Variants in CACNA2D1 observed in about 807,000 individuals in gnomAD.
CACNA2D1 encodes voltage-dependent calcium channel subunit alpha-2/delta-1.
Under a neutral mutation model 171.5 loss-of-function variants are expected in CACNA2D1, and 53 were observed. The ratio of observed to expected loss-of-function variants is 0.31; its 90% CI spans 0.25 to 0.39. The LOEUF (loss-of-function observed/expected upper bound fraction) is 0.39, where lower values mean the gene tolerates loss of function less well. Among genes scored for constraint, CACNA2D1 ranks in the 10% least tolerant of loss-of-function variants. The probability of loss-of-function intolerance (pLI) is 1.00; values close to 1 mark genes in which losing one functional copy is unlikely to be tolerated. For missense variants in CACNA2D1, 903 were observed against 1,299.8 expected (o/e 0.69, Z 4.69); for synonymous variants, 442 against 443.1 (o/e 1.00, Z 0.03).
At chr7:82,227,967 C>T (rs1047754986) in intron 3 of CACNA2D1, among the ~76,000 whole-genome samples, 8 of 152,140 alleles carry the variant, frequency 5.3e-5, no homozygotes, top group East Asian at 1.9e-4. Context: ...CATGTACCCC[C>T]GGCTGTACAT....
chr7:82,361,027 A>C (rs1040489093), intron 1 of CACNA2D1, among the ~76,000 whole-genome samples: 3 of 152,234 alleles, frequency 2.0e-5, no homozygotes, highest in African/African-American at 7.2e-5. Flanking sequence ...GCCTTCAAAT[A>C]TGAGATGGTA....
intron 7 of CACNA2D1, among the ~76,000 whole-genome samples, chr7:82,074,058 T>C (rs1159022741): frequency 3.9e-5 from 6 of 151,966 alleles, no homozygotes; most frequent in African/African-American, 1.2e-4. Context: ...GGGTAAACAA[T>C]GAAGTTTGAA....
chr7:82,096,747 G>C (rs1382563454), intron 6 of CACNA2D1, among the ~76,000 whole-genome samples: 1 of 150,950 alleles, frequency 6.6e-6, no homozygotes, highest in Non-Finnish European at 1.5e-5. Flanking sequence ...ACAGATTACA[G>C]TTTCAATTTT....
At chr7:82,104,035 T>C (rs1813017898) in intron 6 of CACNA2D1, among the ~76,000 whole-genome samples, 2 of 152,000 alleles carry the variant, frequency 1.3e-5, no homozygotes, top group South Asian at 4.1e-4. Context: ...ATAAACCATC[T>C]CAAAATCAGC....
At chr7:82,069,115 T>C (rs1413197027) in intron 7 of CACNA2D1, among the ~76,000 whole-genome samples, 1 of 152,200 alleles carries the variant, frequency 6.6e-6, no homozygotes, top group Non-Finnish European at 1.5e-5. Flanking sequence ...TCTTCTGTGA[T>C]ATTACTAATT....
At chr7:82,247,939 T>C (rs1805132020) in intron 3 of CACNA2D1, among the ~76,000 whole-genome samples, 1 of 152,190 alleles carries the variant, frequency 6.6e-6, no homozygotes, top group Non-Finnish European at 1.5e-5. Context: ...AAGTTATCCC[T>C]ATTTTAGGGA....
At chr7:81,983,231 T>C in intron 23 of CACNA2D1, 83 bp downstream of exon 23, 1 of 1,160,226 alleles carries the variant, frequency 8.6e-7, no homozygotes, top group Admixed American at 1.8e-5. Flanking sequence ...GCACAGAGGA[T>C]AATATCCAAT....
intron 3 of CACNA2D1, among the ~76,000 whole-genome samples, chr7:82,236,076 C>T (rs1803553854): frequency 6.6e-6 from 1 of 152,044 alleles, no homozygotes; most frequent in Non-Finnish European, 1.5e-5. Context: ...AATGAGTAGG[C>T]TAACATTTGG....
At chr7:82,373,199 T>C (rs1362772558) in intron 1 of CACNA2D1, among the ~76,000 whole-genome samples, 2 of 152,000 alleles carry the variant, frequency 1.3e-5, no homozygotes, top group Non-Finnish European at 2.9e-5. Flanking sequence ...AAAAATTGAG[T>C]ATTGAACACA....
At chr7:81,983,377 A>G (rs371330377) in intron 22 of CACNA2D1, 43 bp from the exon 23 acceptor site, 242 of 1,541,648 alleles carry the variant, frequency 1.6e-4, no homozygotes, top group Admixed American at 5.7e-4. Flanking sequence ...AAACAAAAAA[A>G]AAAGAGGGTA....
chr7:82,417,854 A>G (rs1828330777), intron 1 of CACNA2D1, among the ~76,000 whole-genome samples: 2 of 152,338 alleles, frequency 1.3e-5, no homozygotes, highest in East Asian at 1.9e-4. Flanking sequence ...TAGATTTTGC[A>G]TATAGTGAGA....
At chr7:82,402,705 C>CAAAAA (rs59290672) in intron 1 of CACNA2D1, among the ~76,000 whole-genome samples, 19 of 64,824 alleles carry the variant, frequency 2.9e-4, no homozygotes, top group Non-Finnish European at 4.4e-4. Flanking sequence ...GACTCTGTCT[C>CAAAAA]AAAAAAAAAA....
At chr7:82,220,358 T>C (rs1352842696) in intron 3 of CACNA2D1, among the ~76,000 whole-genome samples, 1 of 152,164 alleles carries the variant, frequency 6.6e-6, no homozygotes, top group Non-Finnish European at 1.5e-5. Flanking sequence ...TGGGTTTAGG[T>C]GGATCTTTAC....
At chr7:82,407,098 T>C (rs1827143127) in intron 1 of CACNA2D1, among the ~76,000 whole-genome samples, 2 of 152,196 alleles carry the variant, frequency 1.3e-5, no homozygotes, top group South Asian at 2.1e-4. Flanking sequence ...GTGATTGATA[T>C]AGACAAAGAG....
chr7:82,084,677 T>A (rs1460805537), intron 7 of CACNA2D1, 92 bp downstream of exon 7: 1 of 1,381,098 alleles, frequency 7.2e-7, no homozygotes. Context: ...GATATAGTCA[T>A]ATTTTTCTTA....
At chr7:82,332,456 T>C (rs1388511456) in intron 3 of CACNA2D1, among the ~76,000 whole-genome samples, 1 of 149,374 alleles carries the variant, frequency 6.7e-6, no homozygotes, top group Non-Finnish European at 1.5e-5. Flanking sequence ...TCTTGGATAT[T>C]TGAAGAAGCA....
chr7:81,998,204 A>C (rs1798244545), intron 18 of CACNA2D1, among the ~76,000 whole-genome samples: 1 of 152,040 alleles, frequency 6.6e-6, no homozygotes, highest in Admixed American at 6.6e-5. Flanking sequence ...GACCAATAAA[A>C]TCATAATAGG....
intron 6 of CACNA2D1, among the ~76,000 whole-genome samples, chr7:82,098,906 C>A (rs1812271106): frequency 6.6e-6 from 1 of 152,106 alleles, no homozygotes. Flanking sequence ...CTATAAATGA[C>A]TTTTCAGTAA....
At chr7:82,190,165 A>G (rs1798149984) in intron 3 of CACNA2D1, among the ~76,000 whole-genome samples, 1 of 151,772 alleles carries the variant, frequency 6.6e-6, no homozygotes, top group Non-Finnish European at 1.5e-5. Flanking sequence ...TTGAAAGTAA[A>G]CAATCTTAGT....
Sources: allele counts gnomAD v4.1 joint callset (sites outside exome capture counted in the v4.1 genomes callset), GRCh38; gene constraint gnomAD v4.1.1; transcripts MANE v1.5; gene names NCBI Gene and HGNC (gene_info 2026-07-23, HGNC 2026-07-21).